The following FRAS1 variants were observed in gnomAD, a reference collection of about 807,000 sequenced individuals.
FRAS1 encodes the protein Fraser extracellular matrix complex subunit 1.
Under a neutral mutation model 435.2 loss-of-function variants are expected in FRAS1, and 290 were observed. The observed-to-expected ratio is 0.67, with a 90% CI of 0.61 to 0.73. The LOEUF (loss-of-function observed/expected upper bound fraction) is 0.73, where lower values mean the gene tolerates loss of function less well. Ranked by LOEUF, FRAS1 falls within the 30% of genes least tolerant of loss-of-function variation. FRAS1 has a pLI of 0.00. For missense variants in FRAS1, 4,860 were observed against 5,001.5 expected (o/e 0.97, Z 0.85); for synonymous variants, 1,800 against 1,851.0 (o/e 0.97, Z 0.71).
At chr4:78,242,582 T>C (rs1043698632) in intron 3 of FRAS1, among the ~76,000 whole-genome samples, 4 of 152,146 alleles carry the variant, frequency 2.6e-5, no homozygotes, top group African/African-American at 9.7e-5. Flanking sequence ...ATTACAGGCA[T>C]GTGCCACCAC....
chr4:78,481,690 G>A (rs1236373475), intron 56 of FRAS1, 114 bp from the exon 57 acceptor site: 2 of 1,164,228 alleles, frequency 1.7e-6, no homozygotes, highest in Admixed American at 3.5e-5. Flanking sequence ...GATTAGAAAA[G>A]CTCAAAGGGC....
At chr4:78,089,179 A>T (rs1741369374) in intron 2 of FRAS1, among the ~76,000 whole-genome samples, 1 of 151,628 alleles carries the variant, frequency 6.6e-6, no homozygotes, top group African/African-American at 2.4e-5. Flanking sequence ...TATCGCAAGG[A>T]CAAAAAACCA....
At chr4:78,159,266 G>C (rs995396989) in intron 2 of FRAS1, among the ~76,000 whole-genome samples, 8 of 152,284 alleles carry the variant, frequency 5.3e-5, no homozygotes, top group African/African-American at 1.9e-4. Context: ...CTGGGAATAT[G>C]AAGGATGGGC....
At chr4:78,114,169 T>C (rs13144972) in intron 2 of FRAS1, among the ~76,000 whole-genome samples, 32,988 of 152,148 alleles carry the variant, frequency 0.22, 3,936 homozygotes, top group Admixed American at 0.29. Context: ...GAGGGCTCTG[T>C]TCTGTTCCAT....
intron 2 of FRAS1, among the ~76,000 whole-genome samples, chr4:78,232,288 AT>A (rs143098706): frequency 3.3e-3 from 474 of 143,624 alleles, no homozygotes; most frequent in Non-Finnish European, 3.0e-3. Flanking sequence ...TACAAGGAAG[AT>A]TTTTTTTTTT....
At chr4:78,217,703 T>G (rs7686101) in intron 2 of FRAS1, among the ~76,000 whole-genome samples, 51,937 of 151,726 alleles carry the variant, frequency 0.34, 8,896 homozygotes, top group Admixed American at 0.37. Flanking sequence ...TCCCCAGTAC[T>G]GTGCCAGATT....
intron 31 of FRAS1, among the ~76,000 whole-genome samples, chr4:78,411,927 A>G (rs888014829): frequency 6.6e-5 from 10 of 152,088 alleles, no homozygotes; most frequent in Non-Finnish European, 1.3e-4. Flanking sequence ...AAATTTTCTG[A>G]CATTCAGTTT....
At chr4:78,307,710 CG>C (rs1306612987) in intron 14 of FRAS1, among the ~76,000 whole-genome samples, 1 of 152,246 alleles carries the variant, frequency 6.6e-6, no homozygotes, top group African/African-American at 2.4e-5. Context: ...CGCCCTGCTT[CG>C]GCTGGCGCAT....
At chr4:78,449,562 A>G (rs1256095013) in intron 44 of FRAS1, among the ~76,000 whole-genome samples, 1 of 152,182 alleles carries the variant, frequency 6.6e-6, no homozygotes, top group Non-Finnish European at 1.5e-5. Context: ...GCAAGTGACA[A>G]GACCCTGAGA....
rs559731903 is a variant in FRAS1, at chr4:78,114,566, A to C, written c.108+48550A>C. Among the ~76,000 whole-genome samples the C allele has an allele frequency of 3.3e-5, 5 of 152,148 alleles. No individual in the cohort carries two copies. The South Asian group carries it at 1.0e-3, about 32-fold the overall frequency. On this transcript the variant is annotated intron_variant, in intron 2 of 73. Transcript: ENST00000512123. ...TCATGTCCCTTTAAGTTGGATTCCT[A>C]GGTATTTTATTCTCTCTGAAGCAAT...
chr4:78,481,395 A>T (rs1413123689), intron 56 of FRAS1, among the ~76,000 whole-genome samples: 1 of 152,176 alleles, frequency 6.6e-6, no homozygotes, highest in Non-Finnish European at 1.5e-5. Context: ...TCCTTAATTG[A>T]CTATTTTCTG....
At chr4:78,220,476 A>G (rs113436019) in intron 2 of FRAS1, among the ~76,000 whole-genome samples, 5 of 152,330 alleles carry the variant, frequency 3.3e-5, no homozygotes, top group African/African-American at 9.6e-5. Flanking sequence ...CAAGAGACCA[A>G]ATGGCCCACA....
rs920969687 is a variant in FRAS1 at position 78,139,745 on chromosome 4, G to GA, written c.108+73735dup. On this transcript the variant is annotated intron_variant, in intron 2 of 73. Transcript: ENST00000512123. ...TGAACAATATTATTAGCATTTGTGT[G>GA]AAAAAATATAAAACAGAAGGTTGAA... Among the ~76,000 whole-genome samples, 88 of 152,276 alleles carry GA rather than the reference G, an allele frequency of 5.8e-4. 3 individuals are homozygous for GA. The highest frequency in any genetic ancestry group is 2.1e-3 in the African/African-American group (86 of 41,566).
intron 29 of FRAS1, among the ~76,000 whole-genome samples, chr4:78,388,780 C>T (rs1732327993): frequency 6.6e-6 from 1 of 151,978 alleles, no homozygotes; most frequent in Non-Finnish European, 1.5e-5. Context: ...TGTACTCCAG[C>T]GTGGATGACA....
chr4:78,226,881 G>A (rs1267994016), intron 2 of FRAS1, among the ~76,000 whole-genome samples: 1 of 151,676 alleles, frequency 6.6e-6, no homozygotes, highest in Non-Finnish European at 1.5e-5. Context: ...TTATCCTTTT[G>A]GTTTTTTCTG....
chr4:78,366,543 G>A (rs144107523), intron 22 of FRAS1, among the ~76,000 whole-genome samples: 35 of 152,346 alleles, frequency 2.3e-4, no homozygotes, highest in Non-Finnish European at 3.8e-4. Context: ...GAGTATTGAA[G>A]TAGGAGTGGA....
At chr4:78,318,239 C>T (rs1729357569) in intron 17 of FRAS1, among the ~76,000 whole-genome samples, 1 of 152,110 alleles carries the variant, frequency 6.6e-6, no homozygotes, top group Admixed American at 6.5e-5. Context: ...ATGTGGGCAC[C>T]AGATAGTTTG....
At chr4:78,400,226 A>G (rs539718183) in intron 29 of FRAS1, among the ~76,000 whole-genome samples, 12 of 152,238 alleles carry the variant, frequency 7.9e-5, no homozygotes, top group Non-Finnish European at 1.3e-4. Context: ...TCCTTCCTCT[A>G]TTCTCCCACA....
At chr4:78,258,202 A>G (rs1293012728) in intron 6 of FRAS1, among the ~76,000 whole-genome samples, 1 of 152,018 alleles carries the variant, frequency 6.6e-6, no homozygotes, top group East Asian at 1.9e-4. Context: ...TTAGCCGGAC[A>G]TGATGGTTCA....
Sources: allele counts gnomAD v4.1 joint callset (sites outside exome capture counted in the v4.1 genomes callset), GRCh38; gene constraint gnomAD v4.1.1; transcripts MANE v1.5; gene names NCBI Gene and HGNC (gene_info 2026-07-23, HGNC 2026-07-21).